SEC24B: variants seen among roughly 807,000 people sequenced by gnomAD.
SEC24B encodes the protein protein transport protein Sec24B.
Under a neutral mutation model 142.8 loss-of-function variants are expected in SEC24B, and 45 were observed. The observed-to-expected ratio is 0.32, with a 90% CI of 0.25 to 0.40. The LOEUF (loss-of-function observed/expected upper bound fraction) is 0.40. SEC24B is among the 10% of genes least tolerant of loss of function. The pLI, the probability that SEC24B is intolerant of heterozygous loss-of-function variation, is 1.00. For missense variants in SEC24B, 1,409 were observed against 1,526.8 expected, an observed-to-expected ratio of 0.92 and a Z score of 1.29; for synonymous variants, 574 against 568.2, an observed-to-expected ratio of 1.01 and a Z score of -0.15.
At chr4:109,521,795 G>A (rs572902682) in intron 14 of SEC24B, among the ~76,000 whole-genome samples, 169 bp downstream of exon 14, 12 of 152,214 alleles carry the variant, frequency 7.9e-5, no homozygotes, top group African/African-American at 2.9e-4. Context: ...GCAGTGGCGC[G>A]ATCTTGTCTC....
rs1735053792 is a variant in SEC24B, at chr4:109,491,863, T to C, written c.1246+456T>C. Among the ~76,000 whole-genome samples, 3 of 152,254 alleles carry C rather than the reference T, an allele frequency of 2.0e-5. No homozygotes were observed. The South Asian group carries it at 6.2e-4, about 32-fold the overall frequency. ...AACTTGGGGGTAGGTTTTGGAGACA[T>C]CACTTTTAACCATATCTGGAAATCA... On this transcript the variant is annotated intron_variant, in intron 5 of 23. Transcript: ENST00000265175.
rs1265847460 is a variant in SEC24B at position 109,463,125 on chromosome 4, G to A, written c.358G>A (p.Gly120Ser). The change falls in exon 2 of 24, where the codon GGT (glycine) becomes AGT (serine). Residue 120 changes from glycine (G) to serine (S), a missense_variant. Gly to Ser is a moderately conservative substitution (Grantham distance 56, BLOSUM62 0). Coordinates refer to ENST00000265175, the MANE Select transcript of SEC24B (RefSeq NM_006323.5). ...AGGAGCACAGCAGTTGTACAGCAGGGGTCCTCCTGCCCCTCATATTGTGGG... is the reference window on the plus strand; with the variant it reads ...AGGAGCACAGCAGTTGTACAGCAGGAGTCCTCCTGCCCCTCATATTGTGGG... ...QPGAQQLYSR[G>S]PPAPHIVGST... 8.1e-6 allele frequency: 13 copies of A among 1,613,828 alleles called. No homozygotes were observed. The highest frequency in any genetic ancestry group is 2.7e-5 in the African/African-American group (2 of 74,884).
intron 8 of SEC24B, among the ~76,000 whole-genome samples, chr4:109,510,840 G>C (rs774610128): frequency 4.0e-5 from 6 of 151,774 alleles, no homozygotes; most frequent in Non-Finnish European, 8.8e-5. Flanking sequence ...CCTTCTTACT[G>C]GTTCTGAGTT....
intron 1 of SEC24B, among the ~76,000 whole-genome samples, chr4:109,461,667 G>A (rs932265023): frequency 6.6e-6 from 1 of 152,180 alleles, no homozygotes; most frequent in African/African-American, 2.4e-5. Context: ...TGGATATACA[G>A]AGGATGCATA....
At chr4:109,520,033 A>G (rs1268929746) in intron 11 of SEC24B, among the ~76,000 whole-genome samples, 1 of 152,226 alleles carries the variant, frequency 6.6e-6, no homozygotes, top group African/African-American at 2.4e-5. Flanking sequence ...AAAATGTTTC[A>G]GTGTTCATAA....
chr4:109,521,672 T>TAACACAATATAACAGTATAAAAATA, intron 14 of SEC24B, 46 bp downstream of exon 14: 1 of 1,330,650 alleles, frequency 7.5e-7, no homozygotes, highest in Non-Finnish European at 1.0e-6. Flanking sequence ...TGTGTAATTA[T>TAACACAATATAACAGTATAAAAATA]TTGTTTATTC....
chr4:109,458,726 A>G (rs974101444), intron 1 of SEC24B, among the ~76,000 whole-genome samples: 3 of 152,186 alleles, frequency 2.0e-5, no homozygotes, highest in Non-Finnish European at 4.4e-5. Flanking sequence ...TTGCTTAACT[A>G]AATTATACAT....
In SEC24B at chr4:109,537,039, T is replaced by A. The variant is rs1486303929; in HGVS notation, c.3589-1454T>A. On this transcript the variant is annotated intron_variant, in intron 22 of 23. Coordinates refer to ENST00000265175, the MANE Select transcript of SEC24B (RefSeq NM_006323.5). ...GCTAACTTCTCTATAAAAAGTTCTC[T>A]TACAAATCTTTGAGAAGACCTTCCT... 2.0e-5 allele frequency among the ~76,000 whole-genome samples: 3 copies of A among 152,252 alleles called. No individual in the cohort carries two copies. The East Asian group carries it at 5.8e-4, about 29-fold the overall frequency.
rs1737387990 is a variant in SEC24B, at chr4:109,511,988, T to C, written c.1808T>C (p.Val603Ala). 6.2e-7 allele frequency: 1 copy of C among 1,613,668 alleles called. No individual in the cohort carries two copies. The highest frequency in any genetic ancestry group is 1.3e-5 in the African/African-American group (1 of 74,918). Residue 603 changes from valine (V) to alanine (A), a missense_variant, in exon 9 of 24, where the codon GTG becomes GCG. Physicochemically the swap from Val to Ala is moderately conservative, Grantham distance 64. Around this residue, in one of 2 missense-constraint regions of SEC24B, gnomAD observed 700 missense variants for 853.3 expected, o/e 0.82. Transcript: ENST00000265175. ...QLPVITSNTI[V>A]RCRSCRTYIN... is the part of the protein sequence containing the mutation. Reference sequence around the variant, plus strand: ...CCAGTGATAACATCAAATACCATTGTGAGGTGCCGATCCTGTCGAACGTAT... The same window carrying C: ...CCAGTGATAACATCAAATACCATTGCGAGGTGCCGATCCTGTCGAACGTAT...
intron 18 of SEC24B, among the ~76,000 whole-genome samples, chr4:109,530,042 T>A (rs953270659): frequency 6.6e-6 from 1 of 152,200 alleles, no homozygotes; most frequent in Non-Finnish European, 1.5e-5. Flanking sequence ...CCTGGCTAAA[T>A]GTTTTTAGAC....
At chr4:109,532,333 A>G (rs1000425805) in intron 20 of SEC24B, among the ~76,000 whole-genome samples, 1 of 141,764 alleles carries the variant, frequency 7.1e-6, no homozygotes, top group South Asian at 2.2e-4. Flanking sequence ...AAAGAAATGT[A>G]AAAAAAAAAG....
chr4:109,477,652 C>CA (rs1733315925), intron 3 of SEC24B, among the ~76,000 whole-genome samples: 1 of 151,942 alleles, frequency 6.6e-6, no homozygotes, highest in Non-Finnish European at 1.5e-5. Flanking sequence ...GTGTTTTTAT[C>CA]AAAAACAAGC....
rs1725179552 is a variant in SEC24B at position 109,533,704 on chromosome 4, C to T, written c.3588+19C>T. On this transcript the variant is annotated intron_variant, in intron 22 of 23. Transcript: ENST00000265175. Reference sequence around the variant, plus strand: ...GAAAATGGTCAGTAGATTTTATACACCTTTAACTTTTTGTTTGCTCATTTT... The same window carrying T: ...GAAAATGGTCAGTAGATTTTATACATCTTTAACTTTTTGTTTGCTCATTTT... The T allele has an allele frequency of 2.9e-6, 4 of 1,384,886 alleles. No individual in the cohort carries two copies. Among genetic ancestry groups the T allele is most frequent in the Non-Finnish European group, 4.0e-6 (4 of 989,782 alleles). 85.8% of individuals were successfully genotyped at this position (1,384,886 alleles called of 1,614,324 possible). A position where few individuals can be genotyped will look rare whatever the true frequency, so the allele number is the denominator to read the frequency against.
At position 109,433,866 on chromosome 4, in the gene SEC24B, C is replaced by G. The variant is rs1390490823; in HGVS notation, c.-4C>G. The G allele has an allele frequency of 3.8e-6, 5 of 1,329,070 alleles. No individual in the cohort carries two copies. The highest frequency in any genetic ancestry group is 3.9e-6 in the Non-Finnish European group (4 of 1,037,068). The allele number at this position is 1,329,070 out of a possible 1,614,324, so 82.3% of individuals were successfully genotyped here. A position where few individuals can be genotyped will look rare whatever the true frequency, so the allele number is the denominator to read the frequency against. On this transcript the variant is annotated 5_prime_UTR_variant, in exon 1 of 24. Coordinates refer to ENST00000265175, the MANE Select transcript of SEC24B (RefSeq NM_006323.5). ...GCGGAGCCGCCGTCGCCACCAGCGC[C>G]GTCATGTCGGCCCCCGCCGGGTCCT...
intron 11 of SEC24B, among the ~76,000 whole-genome samples, chr4:109,518,319 T>C (rs376054062): frequency 6.6e-6 from 1 of 152,212 alleles, no homozygotes; most frequent in Non-Finnish European, 1.5e-5. Flanking sequence ...TACAGTTGTT[T>C]GCACATTTCC....
Position 109,481,695 on chromosome 4 carries a change from A to G in SEC24B, c.1079A>G (p.Tyr360Cys), listed in dbSNP as rs1415192934. ...LQQKGVQYGE[Y>C]VNNQASSAPT... ...TTTACAGGCGTGCAGTATGGTGAAT[A>G]TGTTAATAACCAAGCTAGCTCCGCA... Residue 360 changes from tyrosine (Y) to cysteine (C), a missense_variant, in exon 4 of 24, where the codon TAT (tyrosine) becomes TGT (cysteine). By Grantham distance (194) the Tyr-to-Cys change is radical. Transcript: ENST00000265175. 1.2e-6 allele frequency: 2 copies of G among 1,613,018 alleles called. No individual in the cohort carries two copies. The highest frequency in any genetic ancestry group is 2.7e-5 in the African/African-American group (2 of 74,930).
chr4:109,475,986 C>G (rs1166806185), intron 3 of SEC24B, among the ~76,000 whole-genome samples: 1 of 140,176 alleles, frequency 7.1e-6, no homozygotes, highest in Non-Finnish European at 1.5e-5. Context: ...CTTTTTCTCT[C>G]TCTCTTTTTT....
chr4:109,500,831 G>T (rs1261679595), intron 6 of SEC24B, among the ~76,000 whole-genome samples: 1 of 151,954 alleles, frequency 6.6e-6, no homozygotes, highest in African/African-American at 2.4e-5. Context: ...GCTAATTTCT[G>T]TATTTTTAGT....
chr4:109,513,726 G>T (rs1404038570), intron 9 of SEC24B, 21 bp from the exon 10 acceptor site: 6 of 1,371,470 alleles, frequency 4.4e-6, no homozygotes, highest in Non-Finnish European at 5.2e-6. Context: ...CTCTAAATTT[G>T]TACTGGGACC....
Sources: allele counts gnomAD v4.1 joint callset (sites outside exome capture counted in the v4.1 genomes callset), GRCh38; gene constraint gnomAD v4.1.1; regional missense constraint gnomAD v4.1.1; transcripts MANE v1.5; gene names NCBI Gene and HGNC (gene_info 2026-07-23, HGNC 2026-07-21).